The following SH3GL2 variants were observed in gnomAD, a reference collection of about 807,000 sequenced individuals.
SH3GL2 encodes endophilin-A1.
In SH3GL2, 24 loss-of-function variants were observed where a neutral mutation model predicts 46.0. That is an observed-to-expected ratio of 0.52 (90% CI 0.38 to 0.73). SH3GL2 has a LOEUF of 0.73. SH3GL2 is among the 30% of genes least tolerant of loss of function. The pLI is 0.00. For missense variants in SH3GL2, 413 were observed against 424.2 expected, an observed-to-expected ratio of 0.97 and a Z score of 0.23; for synonymous variants, 196 against 147.1, an observed-to-expected ratio of 1.33 and a Z score of -2.40.
intron 3 of SH3GL2, among the ~76,000 whole-genome samples, chr9:17,763,277 T>G (rs7868359): frequency 6.6e-6 from 1 of 152,010 alleles, no homozygotes; most frequent in Non-Finnish European, 1.5e-5. Flanking sequence ...TGGGTTGCAT[T>G]GTGTGTCTCC....
chr9:17,717,509 C>G (rs1821792063), intron 1 of SH3GL2, among the ~76,000 whole-genome samples: 1 of 152,062 alleles, frequency 6.6e-6, no homozygotes, highest in Non-Finnish European at 1.5e-5. Flanking sequence ...GTTGTCTCAT[C>G]TATAAAATGT....
chr9:17,685,121 A>T (rs1820869403), intron 1 of SH3GL2, among the ~76,000 whole-genome samples: 1 of 152,038 alleles, frequency 6.6e-6, no homozygotes, highest in South Asian at 2.1e-4. Context: ...AGTGGAATGG[A>T]CAGGTGTGTG....
intron 1 of SH3GL2, among the ~76,000 whole-genome samples, chr9:17,690,997 C>G (rs1037581278): frequency 6.6e-6 from 1 of 152,132 alleles, no homozygotes; most frequent in African/African-American, 2.4e-5. Flanking sequence ...AAATATTATA[C>G]TTTTAAATAA....
rs773756814 is a variant in SH3GL2, at chr9:17,694,845, G to A, written c.46-52221G>A. On this transcript the variant is annotated intron_variant, in intron 1 of 8. Coordinates refer to ENST00000380607, the MANE Select transcript of SH3GL2 (RefSeq NM_003026.5). The stretch of plus-strand genomic sequence containing the variant: ...AGAGCCTACTAAAACCTTCACAAGT[G>A]GGGGCTTACAGACTAGAGTTTTATT... 3.9e-4 allele frequency among the ~76,000 whole-genome samples: 59 copies of A among 152,242 alleles called. 1 individual carries two copies. The highest frequency in any genetic ancestry group is 3.5e-4 in the Non-Finnish European group (24 of 68,014).
intron 1 of SH3GL2, among the ~76,000 whole-genome samples, chr9:17,686,079 C>T (rs1175898871): frequency 8.4e-6 from 1 of 119,554 alleles, no homozygotes; most frequent in African/African-American, 3.5e-5. Context: ...CTACAATGAA[C>T]TCAAACAAAT....
chr9:17,674,240 A>G (rs971382468), intron 1 of SH3GL2, among the ~76,000 whole-genome samples: 1 of 152,056 alleles, frequency 6.6e-6, no homozygotes, highest in Non-Finnish European at 1.5e-5. Flanking sequence ...AACAATAAAC[A>G]TTTTGTGTGT....
At chr9:17,764,666 T>C (rs1823270680) in intron 3 of SH3GL2, among the ~76,000 whole-genome samples, 1 of 141,964 alleles carries the variant, frequency 7.0e-6, no homozygotes, top group Non-Finnish European at 1.5e-5. Context: ...ATTAGATTAC[T>C]GCTCCCGGGT....
At chr9:17,707,172 C>A (rs1821492492) in intron 1 of SH3GL2, among the ~76,000 whole-genome samples, 1 of 151,988 alleles carries the variant, frequency 6.6e-6, no homozygotes, top group Non-Finnish European at 1.5e-5. Context: ...TGACCTTGGG[C>A]AAGACCCTTG....
chr9:17,666,893 A>G (rs74976051), intron 1 of SH3GL2, among the ~76,000 whole-genome samples: 5 of 152,220 alleles, frequency 3.3e-5, no homozygotes, highest in East Asian at 3.9e-4. Context: ...GAGAGGACCT[A>G]TTTCTCCACA....
intron 1 of SH3GL2, among the ~76,000 whole-genome samples, chr9:17,612,351 T>TG (rs1818887248): frequency 6.6e-6 from 1 of 152,204 alleles, no homozygotes; most frequent in Admixed American, 6.5e-5. Flanking sequence ...ACTCTTTTTG[T>TG]GTGGGACTGA....
chr9:17,738,493 C>CATACATACATATATACATATGTGTGTGT (rs1822408281), intron 1 of SH3GL2, among the ~76,000 whole-genome samples: 1 of 91,928 alleles, frequency 1.1e-5, no homozygotes, highest in African/African-American at 3.3e-5. Context: ...TACACACACA[C>CATACATACATATATACATATGTGTGTGT]ATATACATAC....
intron 1 of SH3GL2, among the ~76,000 whole-genome samples, chr9:17,629,051 C>T (rs376851325): frequency 6.6e-6 from 1 of 151,434 alleles, no homozygotes; most frequent in East Asian, 1.9e-4. Flanking sequence ...AAGATGTGGC[C>T]TTTGAAGAGG....
At chr9:17,718,361 C>T (rs1290062898) in intron 1 of SH3GL2, among the ~76,000 whole-genome samples, 1 of 152,058 alleles carries the variant, frequency 6.6e-6, no homozygotes, top group East Asian at 1.9e-4. Flanking sequence ...TGGCATGGTG[C>T]TGAAGTCAGG....
chr9:17,680,863 A>C (rs1216609431), intron 1 of SH3GL2, among the ~76,000 whole-genome samples: 1 of 151,920 alleles, frequency 6.6e-6, no homozygotes, highest in African/African-American at 2.4e-5. Flanking sequence ...GAACATCTTT[A>C]TTTCTGCCTT....
At chr9:17,581,312 G>C (rs1051622485) in intron 1 of SH3GL2, among the ~76,000 whole-genome samples, 1 of 152,218 alleles carries the variant, frequency 6.6e-6, no homozygotes, top group African/African-American at 2.4e-5. Flanking sequence ...AGGTCGGCAT[G>C]TGATGCGATA....
chr9:17,783,428 T>G (rs1371736516), intron 3 of SH3GL2, among the ~76,000 whole-genome samples: 1 of 151,244 alleles, frequency 6.6e-6, no homozygotes, highest in Non-Finnish European at 1.5e-5. Context: ...GTGACTCACA[T>G]GGACACTGCT....
chr9:17,682,577 A>G (rs988486770), intron 1 of SH3GL2, among the ~76,000 whole-genome samples: 38 of 152,050 alleles, frequency 2.5e-4, no homozygotes, highest in African/African-American at 8.7e-4. Context: ...AAGGGGAGGG[A>G]ACTTAGAGGA....
chr9:17,752,169 C>T (rs920069534), intron 2 of SH3GL2, among the ~76,000 whole-genome samples: 1 of 152,166 alleles, frequency 6.6e-6, no homozygotes. Context: ...GATGGATTAA[C>T]TCTTCTGAGT....
At chr9:17,656,784 AAAAC>A (rs1244242654) in intron 1 of SH3GL2, among the ~76,000 whole-genome samples, 2 of 151,108 alleles carry the variant, frequency 1.3e-5, no homozygotes, top group African/African-American at 4.8e-5. Flanking sequence ...AAAAAAAAAA[AAAAC>A]AAAAAAGGCT....
Sources: allele counts gnomAD v4.1 joint callset (sites outside exome capture counted in the v4.1 genomes callset), GRCh38; gene constraint gnomAD v4.1.1; transcripts MANE v1.5; gene names NCBI Gene and HGNC (gene_info 2026-07-23, HGNC 2026-07-21).